MUL1: variants seen among roughly 807,000 people sequenced by gnomAD.
The protein encoded by MUL1 is mitochondrial ubiquitin ligase activator of NFKB 1.
MUL1 carries 30 observed loss-of-function variants against 34.1 expected under a neutral mutation model. The ratio of observed to expected loss-of-function variants is 0.88; its 90% CI spans 0.66 to 1.19. The LOEUF is 1.19. Ranked by LOEUF, MUL1 falls within the 50% of genes most tolerant of loss-of-function variation. MUL1 has a pLI of 0.00. For synonymous variants in MUL1, 191 were observed against 187.8 expected, an observed-to-expected ratio of 1.02 and a Z score of -0.14; for missense variants, 419 against 450.5, an observed-to-expected ratio of 0.93 and a Z score of 0.63.
In MUL1 at chr1:20,502,082, T is replaced by C. The variant is rs1261934752; in HGVS notation, c.316A>G (p.Thr106Ala). The change falls in exon 3 of 4, where the codon ACC becomes GCC. Residue 106 changes from threonine to alanine, a missense_variant. Transcript: ENST00000264198. The part of the protein sequence containing the change: ...LQEHKMVWNR[T>A]THLWNDCSKI... ...AGTGATACATACCAAAGGTGGGTGG[T>C]TCGATTCCACACCATCTTGTGCTCC... 5.6e-6 allele frequency: 9 copies of C among 1,613,626 alleles called. No individual in the cohort carries two copies. The highest frequency in any genetic ancestry group is 7.6e-6 in the Non-Finnish European group (9 of 1,179,994).
rs1271571245 is a variant in MUL1, at chr1:20,501,526, G to C, written c.330-107C>G. The C allele has an allele frequency of 1.6e-6, 2 of 1,270,600 alleles. No individual in the cohort carries two copies. The highest frequency in any genetic ancestry group is 2.2e-6 in the Non-Finnish European group (2 of 926,846). 78.7% of individuals were successfully genotyped at this position (1,270,600 alleles called of 1,614,324 possible). On this transcript the variant is annotated intron_variant, in intron 3 of 3. Coordinates refer to ENST00000264198, the MANE Select transcript of MUL1 (RefSeq NM_024544.3). This position sits in a 1 kb window ranked among gnomAD's most constrained non-coding sequence, Gnocchi z 4.2. The stretch of plus-strand genomic sequence containing the variant: ...GACAGCATATGGTCTGAAGTAACTG[G>C]AAGAAGACAGTAAGATCACTATCTC...
chr1:20,504,571 C>A (rs1470196277), intron 1 of MUL1, among the ~76,000 whole-genome samples: 1 of 152,172 alleles, frequency 6.6e-6, no homozygotes, highest in East Asian at 1.9e-4. Flanking sequence ...CAAGGTCAAT[C>A]AAAATTTCTT....
At position 20,501,448 on chromosome 1, in the gene MUL1, G is replaced by T; in HGVS notation, c.330-29C>A. 6.3e-7 allele frequency: 1 copy of T among 1,590,616 alleles called. No homozygotes were observed. Among genetic ancestry groups the T allele is most frequent in the South Asian group, 1.1e-5 (1 of 88,792 alleles). On this transcript the variant is annotated intron_variant, in intron 3 of 3. Coordinates refer to ENST00000264198, the MANE Select transcript of MUL1 (RefSeq NM_024544.3). This position sits in a 1 kb window ranked among gnomAD's most constrained non-coding sequence, Gnocchi z 4.2. Reference sequence around the variant, plus strand: ...GAAGAATAAGAGAACTAAAGATACAGGGTAGCAAACAGCAAACACCCAGGC... The same window carrying T: ...GAAGAATAAGAGAACTAAAGATACATGGTAGCAAACAGCAAACACCCAGGC...
At chr1:20,507,046 GGT>G (rs961352826) in intron 1 of MUL1, among the ~76,000 whole-genome samples, 2 of 152,054 alleles carry the variant, frequency 1.3e-5, no homozygotes, top group African/African-American at 4.8e-5. Flanking sequence ...TGGCCAACAT[GGT>G]GAAACCCTGT....
rs113925663 is a variant in MUL1, at chr1:20,502,224, G to T, written c.209-35C>A. Reference sequence around the variant, plus strand: ...CACAAATTCTATTATTTCTGAAGAAGTTTTCTGCCCTCTCCTTTCAGATAA... The same window carrying T: ...CACAAATTCTATTATTTCTGAAGAATTTTTCTGCCCTCTCCTTTCAGATAA... On this transcript the variant is annotated intron_variant, in intron 2 of 3. Coordinates refer to ENST00000264198, the MANE Select transcript of MUL1 (RefSeq NM_024544.3). 4.5e-4 allele frequency: 719 copies of T among 1,612,954 alleles called. 6 individuals are homozygous for T. In the African/African-American group the frequency reaches 8.4e-3, roughly 19 times the overall value.
At position 20,507,926 on chromosome 1, in the gene MUL1, G is replaced by T. The variant is rs373877197; in HGVS notation, c.99C>A (p.Ala33=). 132 of 1,596,752 alleles carry T rather than the reference G, an allele frequency of 8.3e-5. No individual in the cohort carries two copies. The highest frequency in any genetic ancestry group is 1.0e-4 in the Non-Finnish European group (123 of 1,172,632). The change falls in exon 1 of 4, where the codon GCC becomes GCA. Residue 33 remains alanine (A), a synonymous_variant. Coordinates refer to ENST00000264198, the MANE Select transcript of MUL1 (RefSeq NM_024544.3). ...AALYSVYRQK[A]RVSQELKGAK... is the part of the protein sequence containing the mutation. Reference sequence around the variant, plus strand: ...TGACCTTGAGCTCTTGGGAGACCCGGGCCTTCTGCCGGTACACGGAGTACA... The same window carrying T: ...TGACCTTGAGCTCTTGGGAGACCCGTGCCTTCTGCCGGTACACGGAGTACA...
chr1:20,507,440 G>A (rs2101120440), intron 1 of MUL1, among the ~76,000 whole-genome samples: 1 of 152,202 alleles, frequency 6.6e-6, no homozygotes, highest in African/African-American at 2.4e-5. Context: ...CTGCTCAAAT[G>A]TCACCTTATT....
Position 20,506,898 on chromosome 1 carries a change from G to GA in MUL1, c.120+1006dup, listed in dbSNP as rs904776828. ...GAAAAGAAAAGGAGAGGAAAGAAAG[G>GA]AAAAAAAATTATTGTTAAGAAAAAA... On this transcript the variant is annotated intron_variant, in intron 1 of 3. Coordinates refer to ENST00000264198, the MANE Select transcript of MUL1 (RefSeq NM_024544.3). 4.6e-4 allele frequency among the ~76,000 whole-genome samples: 68 copies of GA among 148,930 alleles called. 1 individual carries two copies. Among genetic ancestry groups the GA allele is most frequent in the African/African-American group, 1.6e-3 (65 of 40,590 alleles).
Position 20,503,219 on chromosome 1 carries a change from T to C in MUL1, c.208+3A>G, listed in dbSNP as rs1378346961. 6.3e-7 allele frequency: 1 copy of C among 1,581,990 alleles called. No homozygotes were observed. Among genetic ancestry groups the C allele is most frequent in the Non-Finnish European group, 8.6e-7 (1 of 1,161,696 alleles). On this transcript the variant is annotated splice_donor_region_variant and intron_variant, in intron 2 of 3. Transcript: ENST00000264198. The stretch of plus-strand genomic sequence containing the variant: ...TTTTCCATTGACCAATAAGCAAACA[T>C]ACCTTCTATAACAGCATAAGGCACG...
In MUL1 at chr1:20,508,048, G is replaced by C; in HGVS notation, c.-24C>G. On this transcript the variant is annotated 5_prime_UTR_variant, in exon 1 of 4. Coordinates refer to ENST00000264198, the MANE Select transcript of MUL1 (RefSeq NM_024544.3). ...ATGACGGCGGCGAGCCCCGGTGGCC[G>C]ACTGTGGCGCCAAGGATAGGCCTGG... 1.3e-6 allele frequency: 2 copies of C among 1,573,832 alleles called. No individual in the cohort carries two copies. The highest frequency in any genetic ancestry group is 1.3e-5 in the African/African-American group (1 of 74,710).
At chr1:20,504,712 C>A (rs534056258) in intron 1 of MUL1, among the ~76,000 whole-genome samples, 1 of 152,330 alleles carries the variant, frequency 6.6e-6, no homozygotes, top group East Asian at 1.9e-4. Flanking sequence ...TCACTGCTAT[C>A]CCCCTAGTGC....
rs2051660443 is a variant in MUL1 at position 20,501,520 on chromosome 1, T to A, written c.330-101A>T. 3.7e-6 allele frequency: 5 copies of A among 1,336,606 alleles called. No homozygotes were observed. Among genetic ancestry groups the A allele is most frequent in the Non-Finnish European group, 5.1e-6 (5 of 983,280 alleles). 82.8% of individuals were successfully genotyped at this position (1,336,606 alleles called of 1,614,324 possible). The stretch of plus-strand genomic sequence containing the variant: ...GTGGAGGACAGCATATGGTCTGAAG[T>A]AACTGGAAGAAGACAGTAAGATCAC... On this transcript the variant is annotated intron_variant, in intron 3 of 3. Coordinates refer to ENST00000264198, the MANE Select transcript of MUL1 (RefSeq NM_024544.3). This position sits in a 1 kb window ranked among gnomAD's most constrained non-coding sequence, Gnocchi z 4.2.
At chr1:20,506,948 T>G (rs1415227566) in intron 1 of MUL1, among the ~76,000 whole-genome samples, 9 of 150,830 alleles carry the variant, frequency 6.0e-5, no homozygotes, top group Middle Eastern at 3.6e-3. Flanking sequence ...AAAATGTGGC[T>G]GGGCGCAGTG....
At chr1:20,506,618 G>A (rs187261226) in intron 1 of MUL1, among the ~76,000 whole-genome samples, 177 of 152,010 alleles carry the variant, frequency 1.2e-3, no homozygotes, top group Middle Eastern at 6.9e-3. Context: ...GGGAGGCTGA[G>A]ACAGAGGGAT....
Position 20,507,927 on chromosome 1 carries a change from G to T in MUL1, c.98C>A (p.Ala33Asp). The T allele has an allele frequency of 3.8e-6, 6 of 1,596,654 alleles. No individual in the cohort carries two copies. The highest frequency in any genetic ancestry group is 5.1e-6 in the Non-Finnish European group (6 of 1,172,478). The change falls in exon 1 of 4, where the codon GCC (alanine) becomes GAC (aspartate). Residue 33 changes from alanine to aspartate, a missense_variant. Physicochemically the swap from Ala to Asp is moderately radical, Grantham distance 126 (BLOSUM62 -2). Transcript: ENST00000264198. ...GACCTTGAGCTCTTGGGAGACCCGGGCCTTCTGCCGGTACACGGAGTACAG... is the reference window on the plus strand; with the variant it reads ...GACCTTGAGCTCTTGGGAGACCCGGTCCTTCTGCCGGTACACGGAGTACAG... ...AALYSVYRQKARVSQELKGAK... is the reference protein window; with the variant it reads ...AALYSVYRQKDRVSQELKGAK...
At position 20,507,765 on chromosome 1, in the gene MUL1, A is replaced by ACTGG. The variant is rs113732519; in HGVS notation, c.120+136_120+139dup. ...AATCCTGCCCCTCGCTCCTCCATCT[A>ACTGG]CTGGCTGGATGACACCCTTCAGAGG... On this transcript the variant is annotated intron_variant, in intron 1 of 3. Transcript: ENST00000264198. 606 of 1,238,584 alleles carry ACTGG rather than the reference A, an allele frequency of 4.9e-4. 6 individuals are homozygous for ACTGG. The African/African-American group carries it at 8.1e-3, about 17-fold the overall frequency. 76.7% of individuals were successfully genotyped at this position (1,238,584 alleles called of 1,614,324 possible).
Position 20,500,505 on chromosome 1 carries a change from A to T in MUL1, c.*185T>A. On this transcript the variant is annotated 3_prime_UTR_variant, in exon 4 of 4. Coordinates refer to ENST00000264198, the MANE Select transcript of MUL1 (RefSeq NM_024544.3). The stretch of plus-strand genomic sequence containing the variant: ...CTGCACATGGACAGGGTCCCCTCTC[A>T]GGTGGGAAAGGCAGCATCCTGCCAT... 1 of 712,116 alleles carries T rather than the reference A, an allele frequency of 1.4e-6. No homozygotes were observed. Among genetic ancestry groups the T allele is most frequent in the Non-Finnish European group, 2.2e-6 (1 of 452,608 alleles). The allele number at this position is 712,116 out of a possible 1,614,324, so 44.1% of individuals were successfully genotyped here. A position where few individuals can be genotyped will look rare whatever the true frequency, so the allele number is the denominator to read the frequency against.
At position 20,501,044 on chromosome 1, in the gene MUL1, C is replaced by T. The variant is rs61753588; in HGVS notation, c.705G>A (p.Ser235=). ...DFDSLLQRQE[S]SVRLWKVLAL... ...CCAGCACCTTCCAGAGCCTGACGCT[C>T]GACTCCTGCCTCTGCAGCAGGCTGT... is the stretch of plus-strand genomic sequence containing the variant. Residue 235 remains serine (S), a synonymous_variant, in exon 4 of 4, where the codon TCG becomes TCA. Coordinates refer to ENST00000264198, the MANE Select transcript of MUL1 (RefSeq NM_024544.3). This position sits in a 1 kb window ranked among gnomAD's most constrained non-coding sequence, Gnocchi z 4.2. 1.5e-4 allele frequency: 235 copies of T among 1,613,972 alleles called. No homozygotes were observed. The highest frequency in any genetic ancestry group is 3.3e-5 in the South Asian group (3 of 91,088).
chr1:20,507,395 A>AT (rs371798482), intron 1 of MUL1, among the ~76,000 whole-genome samples: 8 of 152,286 alleles, frequency 5.3e-5, no homozygotes, highest in African/African-American at 1.9e-4. Flanking sequence ...CTCCCGCTAG[A>AT]TATCTGCATG....
Sources: allele counts gnomAD v4.1 joint callset (sites outside exome capture counted in the v4.1 genomes callset), GRCh38; gene constraint gnomAD v4.1.1; non-coding constraint Gnocchi (gnomAD v3.1); transcripts MANE v1.5; gene names NCBI Gene and HGNC (gene_info 2026-07-23, HGNC 2026-07-21).